Variants in STXBP6 observed in about 807,000 individuals in gnomAD.
STXBP6 encodes the protein syntaxin binding protein 6.
Under a neutral mutation model 26.9 loss-of-function variants are expected in STXBP6, and 21 were observed. That is an observed-to-expected ratio of 0.78 (90% confidence interval 0.55 to 1.12). The LOEUF (loss-of-function observed/expected upper bound fraction) is 1.12. Ranked by LOEUF, STXBP6 falls within the 50% of genes most tolerant of loss-of-function variation. The pLI, the probability that STXBP6 is intolerant of heterozygous loss-of-function variation, is 0.00. For missense variants in STXBP6, 232 were observed against 257.9 expected (o/e 0.90, Z 0.69); for synonymous variants, 97 against 92.6 (o/e 1.05, Z -0.27).
chr14:24,829,724 C>A (rs1257199920), intron 4 of STXBP6, among the ~76,000 whole-genome samples: 1 of 150,892 alleles, frequency 6.6e-6, no homozygotes. Context: ...GCAATAGGCA[C>A]AGCAGCAGGC....
Position 25,002,359 on chromosome 14 carries a change from C to CTTTTTTTTTTTTTTTTCTTT in STXBP6, c.-32-27510_-32-27509insAAAGAAAAAAAAAAAAAAAA, listed in dbSNP as rs2074781600. Among the ~76,000 whole-genome samples the CTTTTTTTTTTTTTTTTCTTT allele has an allele frequency of 9.7e-4, 118 of 121,352 alleles. 8 individuals are homozygous for CTTTTTTTTTTTTTTTTCTTT. Among genetic ancestry groups the CTTTTTTTTTTTTTTTTCTTT allele is most frequent in the African/African-American group, 3.9e-3 (115 of 29,624 alleles). The allele number at this position is 121,352 out of a possible 152,430, so 79.6% of individuals were successfully genotyped here. ...ATCCCATACAGTTAAATTCTTATGA[C>CTTTTTTTTTTTTTTTTCTTT]TTTTTTTTTTTTTTTTTTGAGACAC... is the stretch of plus-strand genomic sequence containing the variant. On this transcript the variant is annotated intron_variant, in intron 1 of 5. Transcript: ENST00000323944.
Position 24,810,865 on chromosome 14 carries a change from C to CTCTCTG in STXBP6, c.*1843_*1844insCAGAGA, listed in dbSNP as rs373068735. 3 of 137,570 alleles carry CTCTCTG rather than the reference C, an allele frequency of 2.2e-5. No homozygotes were observed. Among genetic ancestry groups the CTCTCTG allele is most frequent in the African/African-American group, 5.5e-5 (2 of 36,232 alleles). The allele number at this position is 137,570 out of a possible 1,614,324, so 8.5% of individuals were successfully genotyped here. On this transcript the variant is annotated 3_prime_UTR_variant, in exon 6 of 6. Transcript: ENST00000323944. Reference sequence around the variant, plus strand: ...CCAATTTGGAAAGATAAATACATCTCTGTGTGTGTGTGTGTGTGTGTGTGT... The same window carrying CTCTCTG: ...CCAATTTGGAAAGATAAATACATCTCTCTCTGTGTGTGTGTGTGTGTGTGTGTGTGT...
rs975950821 is a variant in STXBP6, at chr14:24,878,508, C to T, written c.155-21351G>A. The T allele has an allele frequency of 6.5e-5, 10 of 154,568 alleles. 1 individual carries two copies. The South Asian group carries it at 2.0e-3, about 31-fold the overall frequency. The allele number at this position is 154,568 out of a possible 1,614,324, so 9.6% of individuals were successfully genotyped here. On this transcript the variant is annotated intron_variant, in intron 2 of 5. Transcript: ENST00000323944. ...TAATTTTATCCTATACCAAATTCTCCATACATTTTTGTTGACCACAAATTT... is the reference window on the plus strand; with the variant it reads ...TAATTTTATCCTATACCAAATTCTCTATACATTTTTGTTGACCACAAATTT...
chr14:24,914,776 C>T (rs1039544175), intron 2 of STXBP6, among the ~76,000 whole-genome samples: 1 of 152,122 alleles, frequency 6.6e-6, no homozygotes, highest in African/African-American at 2.4e-5. Flanking sequence ...GATTTATGAT[C>T]TTGATCAAAC....
intron 4 of STXBP6, among the ~76,000 whole-genome samples, chr14:24,854,025 G>T (rs2069243897): frequency 6.6e-6 from 1 of 152,058 alleles, no homozygotes; most frequent in Non-Finnish European, 1.5e-5. Context: ...TGTCCAATAC[G>T]TAGCACAGTG....
intron 4 of STXBP6, among the ~76,000 whole-genome samples, chr14:24,851,239 C>CT (rs370916171): frequency 0.95 from 138,432 of 146,420 alleles, 65,516 homozygotes; most frequent in Non-Finnish European, 0.97. Context: ...GACCACGTCT[C>CT]TTTTTTTTTT....
intron 2 of STXBP6, among the ~76,000 whole-genome samples, chr14:24,972,736 T>C (rs373689807): frequency 2.6e-5 from 4 of 152,330 alleles, no homozygotes; most frequent in Admixed American, 2.6e-4. Flanking sequence ...CTGGGTGTGA[T>C]AGCTCATGCC....
At chr14:24,918,520 A>C (rs1294774271) in intron 2 of STXBP6, among the ~76,000 whole-genome samples, 2 of 148,060 alleles carry the variant, frequency 1.4e-5, no homozygotes, top group Non-Finnish European at 3.0e-5. Flanking sequence ...TGGATGTCTA[A>C]ACAACTAAAT....
intron 1 of STXBP6, among the ~76,000 whole-genome samples, chr14:25,009,380 A>C (rs1467156125): frequency 6.6e-6 from 1 of 152,028 alleles, no homozygotes; most frequent in Non-Finnish European, 1.5e-5. Flanking sequence ...TTGTTTTTCC[A>C]TTTTCCTACT....
chr14:24,957,092 CT>C (rs1423332671), intron 2 of STXBP6, among the ~76,000 whole-genome samples: 2 of 152,150 alleles, frequency 1.3e-5, no homozygotes, highest in Admixed American at 1.3e-4. Context: ...AGTGGTCTTA[CT>C]TAATTTACAC....
At position 24,908,699 on chromosome 14, in the gene STXBP6, G is replaced by A. The variant is rs141604973; in HGVS notation, c.155-51542C>T. ...CTACAACTGAGACCAAAACAGAACC[G>A]AAACTTGTCCCAATTTCCTCATAAG... On this transcript the variant is annotated intron_variant, in intron 2 of 5. Transcript: ENST00000323944. 6.1e-4 allele frequency among the ~76,000 whole-genome samples: 93 copies of A among 152,240 alleles called. 2 individuals are homozygous for A. In the East Asian group the frequency reaches 0.013, roughly 21 times the overall value.
At chr14:25,048,641 A>C (rs1002344404) in intron 1 of STXBP6, among the ~76,000 whole-genome samples, 5 of 152,180 alleles carry the variant, frequency 3.3e-5, no homozygotes, top group Admixed American at 6.5e-5. Context: ...AAAAAGAAAA[A>C]AAGAGAGGCA....
At chr14:25,010,973 C>A (rs984207036) in intron 1 of STXBP6, among the ~76,000 whole-genome samples, 2 of 152,084 alleles carry the variant, frequency 1.3e-5, no homozygotes, top group Non-Finnish European at 2.9e-5. Context: ...GCTGGAAAAG[C>A]CCATGAAAAT....
intron 1 of STXBP6, among the ~76,000 whole-genome samples, chr14:24,991,250 C>G (rs2074468426): frequency 6.6e-6 from 1 of 152,088 alleles, no homozygotes; most frequent in Non-Finnish European, 1.5e-5. Context: ...ACTTCCAGTA[C>G]ATATGCAGGC....
intron 1 of STXBP6, among the ~76,000 whole-genome samples, chr14:25,000,890 A>G (rs993180775): frequency 1.2e-4 from 18 of 151,892 alleles, no homozygotes; most frequent in Admixed American, 3.9e-4. Flanking sequence ...TTATTTTACT[A>G]CAGCTGTCCA....
intron 2 of STXBP6, among the ~76,000 whole-genome samples, chr14:24,936,101 T>C (rs1418077675): frequency 1.3e-5 from 2 of 152,232 alleles, no homozygotes; most frequent in African/African-American, 4.8e-5. Flanking sequence ...CAGGTTTTTG[T>C]GTCTGTGGTT....
chr14:24,970,612 G>A (rs1465281008), intron 2 of STXBP6, among the ~76,000 whole-genome samples: 1 of 151,876 alleles, frequency 6.6e-6, no homozygotes, highest in Non-Finnish European at 1.5e-5. Context: ...AAAATAATTT[G>A]TTTATGCATT....
chr14:24,943,080 ATTCT>A (rs1308172974), intron 2 of STXBP6, among the ~76,000 whole-genome samples: 1 of 152,152 alleles, frequency 6.6e-6, no homozygotes, highest in African/African-American at 2.4e-5. Context: ...CTTGCCCAAT[ATTCT>A]TTCTTTCCTC....
In STXBP6 at chr14:25,049,360, G is replaced by A. The variant is rs2075771230; in HGVS notation, c.-33+518C>T. 1 of 985,422 alleles carries A rather than the reference G, an allele frequency of 1.0e-6. No individual in the cohort carries two copies. Among genetic ancestry groups the A allele is most frequent in the South Asian group, 4.7e-5 (1 of 21,286 alleles). The allele number at this position is 985,422 out of a possible 1,614,324, so 61.0% of individuals were successfully genotyped here. A position where few individuals can be genotyped will look rare whatever the true frequency, so the allele number is the denominator to read the frequency against. On this transcript the variant is annotated intron_variant, in intron 1 of 5. Transcript: ENST00000323944. The surrounding 1 kb of genome is among the most constrained non-coding windows in gnomAD (Gnocchi z 5.6). ...GCCCTGGGGGCAGGGTGCCGTGCCC[G>A]CCAGAAAAGCTCGCCTCAGTTTTGG... is the stretch of plus-strand genomic sequence containing the variant.
Sources: gnomAD v4.1 joint callset for allele counts (sites outside exome capture counted in the v4.1 genomes callset) on GRCh38, gnomAD v4.1.1 for gene constraint, Gnocchi (gnomAD v3.1) non-coding constraint, MANE v1.5 for transcripts, NCBI Gene and HGNC (gene_info 2026-07-23, HGNC 2026-07-21) for gene names.